Variants in COL5A2 observed in about 807,000 individuals in gnomAD.
COL5A2 encodes the protein collagen type V alpha 2 chain.
COL5A2 carries 23 observed loss-of-function variants against 208.2 expected under a neutral mutation model. The ratio of observed to expected loss-of-function variants is 0.11; its 90% CI spans 0.08 to 0.16. COL5A2 has a LOEUF of 0.16. Ranked by LOEUF, COL5A2 falls within the 10% of genes least tolerant of loss-of-function variation. COL5A2 has a pLI of 1.00. For synonymous variants in COL5A2, 625 were observed against 628.5 expected (o/e 0.99, Z 0.08); for missense variants, 1,590 against 1,956.4 (o/e 0.81, Z 3.53).
chr2:189,391,681 A>C, the COL5A2 span, among the ~76,000 whole-genome samples: 2 of 152,284 alleles, frequency 1.3e-5, no homozygotes, highest in South Asian at 2.1e-4. Context: ...TCCTTCTAAA[A>C]AGATGGATTT....
intron 1 of COL5A2, among the ~76,000 whole-genome samples, chr2:189,134,824 G>A (rs1452242100): frequency 6.6e-6 from 1 of 152,084 alleles, no homozygotes; most frequent in Non-Finnish European, 1.5e-5. Flanking sequence ...GGAAAATAGG[G>A]TGGACAATCA....
chr2:189,068,320 T>C lies in COL5A2; in HGVS notation c.1258-50A>G, dbSNP rs781516002. The C allele has an allele frequency of 1.5e-5, 21 of 1,446,772 alleles. 1 individual carries two copies. In the South Asian group the frequency reaches 2.2e-4, roughly 15 times the overall value. 89.6% of individuals were successfully genotyped at this position (1,446,772 alleles called of 1,614,324 possible). A position where few individuals can be genotyped will look rare whatever the true frequency, so the allele number is the denominator to read the frequency against. On this transcript the variant is annotated intron_variant, in intron 19 of 53. Transcript: ENST00000374866. The stretch of plus-strand genomic sequence containing the variant: ...AATGAAATATTAAGCAATATATAGA[T>C]ACAAATGTGCTAGTATACAGATGTC...
chr2:189,281,207 A>C, the COL5A2 span, among the ~76,000 whole-genome samples: 1 of 152,172 alleles, frequency 6.6e-6, no homozygotes, highest in African/African-American at 2.4e-5. Context: ...AATGTAACTA[A>C]ATCAAGTGCA....
chr2:189,105,810 AT>A (rs1281305419), intron 2 of COL5A2, among the ~76,000 whole-genome samples: 1 of 151,386 alleles, frequency 6.6e-6, no homozygotes, highest in East Asian at 1.9e-4. Context: ...TCACTGCTTT[AT>A]TTATAATTTG....
chr2:189,100,130 C>T lies in COL5A2; in HGVS notation c.346G>A (p.Gly116Arg). ...ACAACAGGCACTAATCCTGGTTCTC[C>T]CTTTTGTCCCTGTGACATTAAAAAC... ...NFGRGRKGQK[G>R]EPGLVPVVTG... Residue 116 changes from glycine (G) to arginine (R), a missense_variant, in exon 4 of 54, where the codon GGA becomes AGA. By Grantham distance (125) the Gly-to-Arg change is moderately radical. Coordinates refer to ENST00000374866, the MANE Select transcript of COL5A2 (RefSeq NM_000393.5). The T allele has an allele frequency of 6.2e-7, 1 of 1,611,190 alleles. No individual in the cohort carries two copies. Among genetic ancestry groups the T allele is most frequent in the Non-Finnish European group, 8.5e-7 (1 of 1,177,646 alleles).
At chr2:189,344,881 G>A in the COL5A2 span, among the ~76,000 whole-genome samples, 14 of 152,310 alleles carry the variant, frequency 9.2e-5, no homozygotes, top group African/African-American at 3.4e-4. Context: ...CTTTTGGCCT[G>A]TAGCAGCCAA....
the COL5A2 span, among the ~76,000 whole-genome samples, chr2:189,432,790 A>G: frequency 1.3e-5 from 2 of 152,226 alleles, no homozygotes; most frequent in African/African-American, 4.8e-5. Flanking sequence ...AAAGTTAACT[A>G]GGATATTCAG....
At chr2:189,334,167 T>C in the COL5A2 span, among the ~76,000 whole-genome samples, 174 of 152,124 alleles carry the variant, frequency 1.1e-3, no homozygotes, top group African/African-American at 3.8e-3. Flanking sequence ...TCCTATATAA[T>C]AGTAAAACGC....
At chr2:189,359,188 T>G in the COL5A2 span, among the ~76,000 whole-genome samples, 4 of 152,332 alleles carry the variant, frequency 2.6e-5, no homozygotes, top group African/African-American at 7.2e-5. Context: ...CCATTGAGTA[T>G]GATATTAGCT....
the COL5A2 span, among the ~76,000 whole-genome samples, chr2:189,278,797 C>A: frequency 2.0e-5 from 3 of 151,934 alleles, no homozygotes; most frequent in African/African-American, 4.8e-5. Context: ...TATTCTAATG[C>A]CTTCTAGGAG....
chr2:189,346,709 G>A, the COL5A2 span, among the ~76,000 whole-genome samples: 1 of 152,148 alleles, frequency 6.6e-6, no homozygotes, highest in African/African-American at 2.4e-5. Flanking sequence ...GGTGTCAGAA[G>A]GTTGAATAAG....
At chr2:189,223,572 G>A (rs1392507342) in intron 1 of COL5A2, among the ~76,000 whole-genome samples, 2 of 152,112 alleles carry the variant, frequency 1.3e-5, no homozygotes, top group Non-Finnish European at 1.5e-5. Context: ...AACCGCCCAC[G>A]TGTGTATCAA....
At chr2:189,181,444 G>A (rs1214864677), upstream of COL5A2, among the ~76,000 whole-genome samples, 2 of 152,194 alleles carry the variant, frequency 1.3e-5, no homozygotes, top group Non-Finnish European at 2.9e-5. Context: ...ATCTTAGAGA[G>A]GCTAGGACTT....
chr2:189,112,229 T>G (rs1021676966), intron 1 of COL5A2, among the ~76,000 whole-genome samples: 2 of 152,208 alleles, frequency 1.3e-5, no homozygotes, highest in Admixed American at 6.5e-5. Flanking sequence ...ACTGGATGGA[T>G]ATAATGAATG....
Position 189,034,975 on chromosome 2 carries a change from C to A in COL5A2, c.4294G>T (p.Asp1432Tyr). 1 of 1,613,872 alleles carries A rather than the reference C, an allele frequency of 6.2e-7. No individual in the cohort carries two copies. ...AVVLKGANDL[D>Y]IKAEGNIRFR... ...CTAATATTTCCCTCTGCTTTGATAT[C>A]TAAGTCATTTGCCCCTTTGAGAACC... Residue 1432 changes from aspartate to tyrosine, a missense_variant, in exon 53 of 54, where the codon GAT becomes TAT. By Grantham distance (160) the Asp-to-Tyr change is radical. Transcript: ENST00000374866.
intron 9 of COL5A2, among the ~76,000 whole-genome samples, chr2:189,086,105 C>A (rs1004923439): frequency 6.6e-6 from 1 of 152,168 alleles, no homozygotes; most frequent in African/African-American, 2.4e-5. Context: ...ACCACATTTT[C>A]TAGTCACTGA....
the COL5A2 span, among the ~76,000 whole-genome samples, chr2:189,404,907 G>A: frequency 1.3e-5 from 2 of 152,130 alleles, no homozygotes; most frequent in East Asian, 1.9e-4. Context: ...CCACTCTCCT[G>A]TTGAGGGACA....
intron 1 of COL5A2, among the ~76,000 whole-genome samples, chr2:189,111,465 A>C (rs560166588): frequency 1.1e-3 from 160 of 152,252 alleles, no homozygotes; most frequent in Admixed American, 1.6e-3. Flanking sequence ...TTCTTGCACA[A>C]CTTGACCACT....
chr2:189,400,020 A>G, the COL5A2 span, among the ~76,000 whole-genome samples: 6 of 152,070 alleles, frequency 3.9e-5, no homozygotes, highest in Non-Finnish European at 7.4e-5. Context: ...TAAAAAGTCA[A>G]CTATCAGATT....
Sources: gnomAD v4.1 joint callset for allele counts (sites outside exome capture counted in the v4.1 genomes callset) on GRCh38, gnomAD v4.1.1 for gene constraint, MANE v1.5 for transcripts, NCBI Gene and HGNC (gene_info 2026-07-23, HGNC 2026-07-21) for gene names.